Variants in BMERB1 observed in about 807,000 individuals in gnomAD.
BMERB1 encodes the protein bMERB domain containing 1, also known as bMERB domain-containing protein 1.
A neutral mutation model predicts 23.6 loss-of-function variants in BMERB1; 12 were observed. The observed-to-expected ratio is 0.51, with a 90% CI of 0.33 to 0.82. The LOEUF (loss-of-function observed/expected upper bound fraction) is 0.82. Ranked by LOEUF, BMERB1 falls within the 40% of genes least tolerant of loss-of-function variation. The pLI is 0.03. For synonymous variants in BMERB1, 122 were observed against 96.6 expected, an observed-to-expected ratio of 1.26 and a Z score of -1.54; for missense variants, 247 against 255.4, an observed-to-expected ratio of 0.97 and a Z score of 0.22.
At chr16:15,434,975 G>C (rs1004264717) in intron 1 of BMERB1, among the ~76,000 whole-genome samples, 1 of 152,268 alleles carries the variant, frequency 6.6e-6, no homozygotes, top group East Asian at 1.9e-4. Context: ...TCACTGGGAG[G>C]GTTGGGAGAT....
intron 1 of BMERB1, among the ~76,000 whole-genome samples, chr16:15,483,233 T>C (rs541460861): frequency 1.7e-4 from 26 of 152,194 alleles, no homozygotes; most frequent in Non-Finnish European, 3.2e-4. Context: ...TGTTGTGAGT[T>C]ATCTTAGTGG....
At chr16:15,481,728 T>G (rs2051322066) in intron 1 of BMERB1, among the ~76,000 whole-genome samples, 2 of 140,110 alleles carry the variant, frequency 1.4e-5, no homozygotes, top group East Asian at 2.0e-4. Flanking sequence ...CTTTTCTTTC[T>G]TTTTTTTTTT....
At chr16:15,507,244 C>T (rs913538336) in intron 1 of BMERB1, among the ~76,000 whole-genome samples, 2 of 152,212 alleles carry the variant, frequency 1.3e-5, no homozygotes, top group African/African-American at 4.8e-5. Context: ...AGCCCTCATC[C>T]TCTATCACCT....
intron 1 of BMERB1, among the ~76,000 whole-genome samples, chr16:15,471,248 CCTA>C (rs1229250553): frequency 3.3e-5 from 5 of 151,774 alleles, no homozygotes; most frequent in African/African-American, 7.3e-5. Flanking sequence ...TTTTTTTTGG[CCTA>C]TGGATGTCCA....
At chr16:15,494,978 G>A (rs2051459830) in intron 1 of BMERB1, among the ~76,000 whole-genome samples, 1 of 147,932 alleles carries the variant, frequency 6.8e-6, no homozygotes, top group Non-Finnish European at 1.5e-5. Flanking sequence ...CTGCCTCCCG[G>A]GTTTAAGTGA....
chr16:15,440,613 T>C (rs914223214), intron 1 of BMERB1, among the ~76,000 whole-genome samples: 3 of 152,146 alleles, frequency 2.0e-5, no homozygotes, highest in African/African-American at 7.2e-5. Context: ...ATACATGTAC[T>C]TTATAAAAAA....
At position 15,569,306 on chromosome 16, in the gene BMERB1, G is replaced by C. The variant is rs1383778192; in HGVS notation, c.304+1250G>C. On this transcript the variant is annotated intron_variant, in intron 3 of 5. Coordinates refer to ENST00000300006, the MANE Select transcript of BMERB1 (RefSeq NM_033201.3). The stretch of plus-strand genomic sequence containing the variant: ...CAGGCTGTACCAGAAGCATGATGCT[G>C]GTGTCTGCTCAGCTGCTGGAAGGCC... Among the ~76,000 whole-genome samples the C allele has an allele frequency of 2.0e-5, 3 of 152,150 alleles. No homozygotes were observed. The East Asian group carries it at 5.8e-4, about 29-fold the overall frequency.
At chr16:15,574,112 A>G (rs1238001219) in intron 3 of BMERB1, among the ~76,000 whole-genome samples, 2 of 151,256 alleles carry the variant, frequency 1.3e-5, no homozygotes, top group South Asian at 4.2e-4. Context: ...GAAACTTACA[A>G]TCATGGTGGA....
intron 1 of BMERB1, among the ~76,000 whole-genome samples, chr16:15,451,789 T>C (rs1359809079): frequency 7.1e-6 from 1 of 141,296 alleles, no homozygotes; most frequent in Non-Finnish European, 1.5e-5. Flanking sequence ...GTGCCCAGAC[T>C]GGTCTTGGAC....
chr16:15,531,774 G>A (rs1290416762), intron 2 of BMERB1, among the ~76,000 whole-genome samples: 1 of 152,234 alleles, frequency 6.6e-6, no homozygotes, highest in East Asian at 1.9e-4. Flanking sequence ...AGCTGCTGAT[G>A]TGAGTGGCAG....
chr16:15,440,244 CAAAAAAAAAAAA>C (rs57412464), intron 1 of BMERB1, among the ~76,000 whole-genome samples: 1 of 64,668 alleles, frequency 1.5e-5, no homozygotes, highest in African/African-American at 6.4e-5. Context: ...GACTTAATCT[CAAAAAAAAAAAA>C]AAAAAAAAAA....
Position 15,434,678 on chromosome 16 carries a change from A to C in BMERB1, c.25A>C (p.Thr9Pro). 2 of 1,593,084 alleles carry C rather than the reference A, an allele frequency of 1.3e-6. No homozygotes were observed. The highest frequency in any genetic ancestry group is 8.6e-7 in the Non-Finnish European group (1 of 1,167,428). Residue 9 changes from threonine (T) to proline (P), a missense_variant, in exon 1 of 6, where the codon ACC becomes CCC. By Grantham distance (38) the Thr-to-Pro change is conservative. Coordinates refer to ENST00000300006, the MANE Select transcript of BMERB1 (RefSeq NM_033201.3). ...GATGGAATTAAAGCAATCTTTGTCC[A>C]CCCATCTGGAAGCCGAGAAGCCTCT... is the stretch of plus-strand genomic sequence containing the variant. MELKQSLS[T>P]HLEAEKPLRR... is the part of the protein sequence containing the mutation.
chr16:15,506,692 T>C (rs2051595750), intron 1 of BMERB1, among the ~76,000 whole-genome samples: 1 of 151,400 alleles, frequency 6.6e-6, no homozygotes, highest in Non-Finnish European at 1.5e-5. Flanking sequence ...TCCTAATAAT[T>C]TCCCAGAAAA....
At chr16:15,484,373 C>G (rs2051350014) in intron 1 of BMERB1, among the ~76,000 whole-genome samples, 1 of 152,040 alleles carries the variant, frequency 6.6e-6, no homozygotes, top group South Asian at 2.1e-4. Context: ...TCTCTGATAT[C>G]TGCGTGGTTA....
intron 1 of BMERB1, among the ~76,000 whole-genome samples, chr16:15,513,094 G>A (rs1393155107): frequency 6.6e-6 from 1 of 151,992 alleles, no homozygotes; most frequent in African/African-American, 2.4e-5. Flanking sequence ...AACATCTCCT[G>A]CCCCGAGTCT....
At chr16:15,487,999 G>A (rs1261144257) in intron 1 of BMERB1, among the ~76,000 whole-genome samples, 1 of 152,094 alleles carries the variant, frequency 6.6e-6, no homozygotes, top group African/African-American at 2.4e-5. Flanking sequence ...CCTGTATCTT[G>A]TGCCGTCCTC....
chr16:15,526,630 C>T (rs931750587), intron 2 of BMERB1, among the ~76,000 whole-genome samples: 1 of 144,580 alleles, frequency 6.9e-6, no homozygotes, highest in South Asian at 2.2e-4. Flanking sequence ...CGCCACTGCA[C>T]TCCAGCCTGG....
At chr16:15,517,977 G>T (rs549988267) in intron 2 of BMERB1, among the ~76,000 whole-genome samples, 1 of 145,680 alleles carries the variant, frequency 6.9e-6, no homozygotes, top group African/African-American at 2.8e-5. Flanking sequence ...GTATGTGTGC[G>T]TGTGGATGTG....
At chr16:15,568,715 T>C (rs562618454) in intron 3 of BMERB1, among the ~76,000 whole-genome samples, 2 of 152,334 alleles carry the variant, frequency 1.3e-5, no homozygotes, top group Admixed American at 1.3e-4. Context: ...TAGCTTGATA[T>C]TTGGCCTCAA....
Sources: allele counts gnomAD v4.1 joint callset (sites outside exome capture counted in the v4.1 genomes callset), GRCh38; gene constraint gnomAD v4.1.1; transcripts MANE v1.5; gene names NCBI Gene and HGNC (gene_info 2026-07-23, HGNC 2026-07-21).